RPS6KA5: variants seen among roughly 807,000 people sequenced by gnomAD.
RPS6KA5 encodes the protein ribosomal protein S6 kinase alpha-5.
Under a neutral mutation model 85.5 loss-of-function variants are expected in RPS6KA5, and 27 were observed. That is an observed-to-expected ratio of 0.32 (90% confidence interval 0.23 to 0.44). The LOEUF (loss-of-function observed/expected upper bound fraction) is 0.44. Ranked by LOEUF, RPS6KA5 falls within the 20% of genes least tolerant of loss-of-function variation. The pLI is 1.00. For synonymous variants in RPS6KA5, 334 were observed against 348.2 expected (o/e 0.96, Z 0.46); for missense variants, 811 against 980.9 (o/e 0.83, Z 2.31).
chr14:90,850,700 G>T lies in RPS6KA5; in HGVS notation c.*21374C>A, dbSNP rs1035130655. 2.0e-5 allele frequency: 3 copies of T among 152,250 alleles called. No individual in the cohort carries two copies. Among genetic ancestry groups the T allele is most frequent in the African/African-American group, 7.2e-5 (3 of 41,464 alleles). 9.4% of individuals were successfully genotyped at this position (152,250 alleles called of 1,614,324 possible). A position where few individuals can be genotyped will look rare whatever the true frequency, so the allele number is the denominator to read the frequency against. On this transcript the variant is annotated 3_prime_UTR_variant, in exon 17 of 17. Transcript: ENST00000614987. The stretch of plus-strand genomic sequence containing the variant: ...CACCTGTTGGTGAGGTCACCAGGAA[G>T]GAATCTGCTTCCGGCAGGAAATTGC...
intron 2 of RPS6KA5, among the ~76,000 whole-genome samples, chr14:90,999,846 A>G (rs577178872): frequency 6.6e-6 from 1 of 152,342 alleles, no homozygotes; most frequent in East Asian, 1.9e-4. Context: ...GAGCAGCGAA[A>G]GCGGTGGTAG....
intron 1 of RPS6KA5, among the ~76,000 whole-genome samples, chr14:91,035,333 G>A (rs1246449539): frequency 6.6e-6 from 1 of 152,080 alleles, no homozygotes; most frequent in African/African-American, 2.4e-5. Flanking sequence ...AATTCCAACA[G>A]AGCTGCTGCT....
chr14:90,911,444 T>A (rs542697343), intron 7 of RPS6KA5: 1 of 152,226 alleles, frequency 6.6e-6, no homozygotes, highest in Non-Finnish European at 1.5e-5. Flanking sequence ...TTCACAATCT[T>A]TTCCATTTCA....
chr14:91,045,587 T>A (rs1029745047), intron 1 of RPS6KA5, among the ~76,000 whole-genome samples: 1 of 152,200 alleles, frequency 6.6e-6, no homozygotes, highest in African/African-American at 2.4e-5. Context: ...ATTTCCTAAG[T>A]GAATCTCAAA....
intron 5 of RPS6KA5, among the ~76,000 whole-genome samples, chr14:90,930,804 G>C (rs1433845666): frequency 1.3e-5 from 2 of 152,142 alleles, no homozygotes; most frequent in Non-Finnish European, 2.9e-5. Flanking sequence ...CTAATGATTA[G>C]AGATAAACGC....
intron 2 of RPS6KA5, among the ~76,000 whole-genome samples, chr14:90,983,988 G>T (rs1483868270): frequency 6.6e-6 from 1 of 152,100 alleles, no homozygotes; most frequent in African/African-American, 2.4e-5. Context: ...GGGACTACAG[G>T]TGCCCACGAC....
rs2032611106 is a variant in RPS6KA5, at chr14:90,862,475, TTC to T, written c.*9597_*9598del. The T allele has an allele frequency of 6.6e-6, 1 of 151,700 alleles. No homozygotes were observed. Among genetic ancestry groups the T allele is most frequent in the Admixed American group, 6.6e-5 (1 of 15,160 alleles). The allele number at this position is 151,700 out of a possible 1,614,324, so 9.4% of individuals were successfully genotyped here. ...CTCCTCCTTCTTCTTCTTCTTCTTC[TTC>T]TTTTTTTAATGCTAGGCTCCTGCTC... On this transcript the variant is annotated 3_prime_UTR_variant, in exon 17 of 17. Transcript: ENST00000614987.
At chr14:91,044,082 C>CTGGGCATGGTGG (rs1005481024) in intron 1 of RPS6KA5, among the ~76,000 whole-genome samples, 1 of 151,902 alleles carries the variant, frequency 6.6e-6, no homozygotes, top group African/African-American at 2.4e-5. Flanking sequence ...CAAAAATTAG[C>CTGGGCATGGTGG]TGGGCATGGT....
chr14:90,897,348 G>T (rs1286555889), intron 12 of RPS6KA5, among the ~76,000 whole-genome samples: 1 of 152,202 alleles, frequency 6.6e-6, no homozygotes, highest in African/African-American at 2.4e-5. Context: ...CCTCCAGACT[G>T]CAGGATAATA....
chr14:90,896,654 A>C (rs558241754), intron 12 of RPS6KA5, among the ~76,000 whole-genome samples: 20 of 152,114 alleles, frequency 1.3e-4, no homozygotes, highest in Non-Finnish European at 1.5e-4. Flanking sequence ...AGAAGCTACA[A>C]AAGGAAAGTA....
At chr14:91,015,821 T>C (rs963139344) in intron 1 of RPS6KA5, among the ~76,000 whole-genome samples, 35 of 152,188 alleles carry the variant, frequency 2.3e-4, no homozygotes, top group Non-Finnish European at 4.7e-4. Context: ...TAATCCTACT[T>C]TTTAAAAAAA....
intron 5 of RPS6KA5, among the ~76,000 whole-genome samples, chr14:90,934,015 A>C (rs529280138): frequency 6.6e-6 from 1 of 152,298 alleles, no homozygotes; most frequent in African/African-American, 2.4e-5. Flanking sequence ...TTGATTTCAA[A>C]GTGTAGCCTC....
intron 3 of RPS6KA5, among the ~76,000 whole-genome samples, chr14:90,967,344 G>A (rs1372472451): frequency 6.6e-6 from 1 of 152,172 alleles, no homozygotes; most frequent in Non-Finnish European, 1.5e-5. Context: ...AGATTGTCAT[G>A]AGGATTAAAT....
intron 14 of RPS6KA5, among the ~76,000 whole-genome samples, chr14:90,884,787 T>C (rs1415208303): frequency 6.6e-6 from 1 of 152,226 alleles, no homozygotes; most frequent in Non-Finnish European, 1.5e-5. Flanking sequence ...TATCTTCTTA[T>C]ACATGTCTTT....
At position 91,024,417 on chromosome 14, in the gene RPS6KA5, G is replaced by C. The variant is rs537459768; in HGVS notation, c.104-23258C>G. On this transcript the variant is annotated intron_variant, in intron 1 of 16. Coordinates refer to ENST00000614987, the MANE Select transcript of RPS6KA5 (RefSeq NM_004755.4). ...TTCTACATAATGGTTGGATTTGGAG[G>C]AATATTTTTATTTGCATTTTCTGTT... 3.3e-5 allele frequency among the ~76,000 whole-genome samples: 5 copies of C among 152,116 alleles called. No homozygotes were observed. In the East Asian group the frequency reaches 7.7e-4, roughly 23 times the overall value.
chr14:90,932,101 TATTCAATC>T (rs779304040), intron 5 of RPS6KA5, among the ~76,000 whole-genome samples: 14 of 152,210 alleles, frequency 9.2e-5, no homozygotes, highest in Non-Finnish European at 1.3e-4. Context: ...TGGCCGATTT[TATTCAATC>T]ATTCAATCAT....
At chr14:91,057,481 C>G (rs1192008485) in intron 1 of RPS6KA5, among the ~76,000 whole-genome samples, 1 of 144,556 alleles carries the variant, frequency 6.9e-6, no homozygotes, top group Non-Finnish European at 1.6e-5. Context: ...ACCTTACAGT[C>G]TAATCTGTAT....
chr14:90,978,815 T>C (rs2039674726), intron 2 of RPS6KA5, among the ~76,000 whole-genome samples: 1 of 152,184 alleles, frequency 6.6e-6, no homozygotes, highest in African/African-American at 2.4e-5. Context: ...CTAGCTGTTA[T>C]TACGGTCAAC....
chr14:91,004,996 AC>A, intron 1 of RPS6KA5, among the ~76,000 whole-genome samples: 1 of 152,114 alleles, frequency 6.6e-6, no homozygotes, highest in Non-Finnish European at 1.5e-5. Flanking sequence ...AAACAAAAAA[AC>A]AAAAAAACAG....
Sources: gnomAD v4.1 joint callset for allele counts (sites outside exome capture counted in the v4.1 genomes callset) on GRCh38, gnomAD v4.1.1 for gene constraint, MANE v1.5 for transcripts, NCBI Gene and HGNC (gene_info 2026-07-23, HGNC 2026-07-21) for gene names.